The following TSHR variants were observed in gnomAD, a reference collection of about 807,000 sequenced individuals.
TSHR encodes thyroid stimulating hormone receptor.
TSHR carries 51 observed loss-of-function variants against 64.1 expected under a neutral mutation model. The observed-to-expected ratio is 0.80, with a 90% CI of 0.64 to 1.01. The LOEUF (loss-of-function observed/expected upper bound fraction) is 1.01, where lower values mean the gene tolerates loss of function less well. TSHR is among the 50% of genes least tolerant of loss of function. TSHR has a pLI of 0.00. For synonymous variants in TSHR, 361 were observed against 361.9 expected, an observed-to-expected ratio of 1.00 and a Z score of 0.03; for missense variants, 877 against 942.8, an observed-to-expected ratio of 0.93 and a Z score of 0.91.
intron 1 of TSHR, chr14:81,001,780 C>T (rs1000374574): frequency 1.2e-5 from 4 of 338,220 alleles, no homozygotes; most frequent in African/African-American, 4.3e-5. Flanking sequence ...TTTTCTGGGT[C>T]GAGTGAACAG....
intron 3 of TSHR, among the ~76,000 whole-genome samples, chr14:81,075,239 G>T (rs186097020): frequency 1.3e-5 from 2 of 152,260 alleles, no homozygotes; most frequent in East Asian, 1.9e-4. Flanking sequence ...CACCTTGTTT[G>T]CATCCCTCCC....
At chr14:81,133,166 A>T (rs1030660110) in intron 8 of TSHR, among the ~76,000 whole-genome samples, 10 of 152,224 alleles carry the variant, frequency 6.6e-5, no homozygotes, top group Non-Finnish European at 1.3e-4. Context: ...ATGAAGCATT[A>T]CACCTAAGAT....
chr14:81,143,617 G>C lies in TSHR; in HGVS notation c.1559G>C (p.Trp520Ser), dbSNP rs754517766. Residue 520 changes from tryptophan to serine, a missense_variant, in exon 10 of 10, where the codon TGG becomes TCG. Physicochemically the swap from Trp to Ser is radical, Grantham distance 177. Transcript: ENST00000298171. ...YTLTVITLER[W>S]YAITFAMRLD... ...CTGACGGTCATCACCCTGGAGCGCT[G>C]GTATGCCATCACCTTCGCCATGCGC... The C allele has an allele frequency of 1.6e-5, 26 of 1,613,794 alleles. No individual in the cohort carries two copies. Among genetic ancestry groups the C allele is most frequent in the Non-Finnish European group, 2.1e-5 (25 of 1,180,050 alleles).
intron 3 of TSHR, among the ~76,000 whole-genome samples, chr14:81,074,684 C>G (rs1179104395): frequency 6.6e-6 from 1 of 152,202 alleles, no homozygotes; most frequent in East Asian, 1.9e-4. Context: ...ATACACATTT[C>G]AAATGCCAAT....
At position 81,139,757 on chromosome 14, in the gene TSHR, C is replaced by T. The variant is rs2140102350; in HGVS notation, c.771C>T (p.Thr257=). Residue 257 remains threonine (T), a synonymous_variant, in exon 9 of 10, where the codon ACC becomes ACT. Transcript: ENST00000298171. The part of the protein sequence containing the change: ...EHLKELIARN[T]WTLKKLPLSL... ...TGAAGGAACTGATAGCAAGAAACAC[C>T]TGGACTCTTAAGAAACTTCCACTTT... is the stretch of plus-strand genomic sequence containing the variant. The T allele has an allele frequency of 6.2e-7, 1 of 1,614,196 alleles. No homozygotes were observed. The highest frequency in any genetic ancestry group is 8.5e-7 in the Non-Finnish European group (1 of 1,180,038).
intron 1 of TSHR, among the ~76,000 whole-genome samples, chr14:81,018,415 T>G (rs1201722462): frequency 6.6e-6 from 1 of 152,170 alleles, no homozygotes; most frequent in Non-Finnish European, 1.5e-5. Flanking sequence ...TCCCAAAGAT[T>G]GTAGAGCAAC....
rs373780642 is a variant in TSHR at position 81,007,561 on chromosome 14, A to G, written c.170+51711A>G. Among the ~76,000 whole-genome samples the G allele has an allele frequency of 2.6e-5, 4 of 152,332 alleles. No individual in the cohort carries two copies. The East Asian group carries it at 5.8e-4, about 22-fold the overall frequency. On this transcript the variant is annotated intron_variant, in intron 1 of 9. Transcript: ENST00000298171. ...TCACTTCGTATCAAGGGTTCATGCT[A>G]TCCACATGTCCTATCACTGATGTTG...
chr14:80,961,662 A>AC (rs111397749), intron 1 of TSHR, among the ~76,000 whole-genome samples: 44 of 151,640 alleles, frequency 2.9e-4, no homozygotes, highest in African/African-American at 9.2e-4. Flanking sequence ...ATGCACACAC[A>AC]AAAAAAACAG....
At chr14:81,032,520 G>T (rs1884401434) in intron 1 of TSHR, 2 of 391,662 alleles carry the variant, frequency 5.1e-6, no homozygotes, top group South Asian at 2.4e-5. Context: ...ACAAATTCAA[G>T]TTCTTACCAT....
At chr14:81,005,570 T>C (rs892982808) in intron 1 of TSHR, among the ~76,000 whole-genome samples, 1 of 152,192 alleles carries the variant, frequency 6.6e-6, no homozygotes, top group Non-Finnish European at 1.5e-5. Flanking sequence ...CAATCAATAT[T>C]GTTCACAGGG....
At chr14:81,066,409 T>G (rs1024549990) in intron 2 of TSHR, among the ~76,000 whole-genome samples, 1 of 152,186 alleles carries the variant, frequency 6.6e-6, no homozygotes, top group Admixed American at 6.6e-5. Flanking sequence ...GTTAGAAATA[T>G]ATTTGTATCA....
At chr14:81,052,300 A>C (rs1447108782) in intron 1 of TSHR, 3 of 152,132 alleles carry the variant, frequency 2.0e-5, no homozygotes, top group Non-Finnish European at 4.4e-5. Flanking sequence ...TATTGAAGAG[A>C]CTGTTCTTTC....
At chr14:81,049,000 C>T (rs1885305258) in intron 1 of TSHR, among the ~76,000 whole-genome samples, 1 of 152,134 alleles carries the variant, frequency 6.6e-6, no homozygotes, top group Non-Finnish European at 1.5e-5. Flanking sequence ...AGGAATTTAA[C>T]TCTTGTTTAT....
In TSHR at chr14:80,964,141, G is replaced by T. The variant is rs190357420; in HGVS notation, c.170+8291G>T. Among the ~76,000 whole-genome samples the T allele has an allele frequency of 2.8e-3, 433 of 152,256 alleles. 6 individuals carry two copies. Among genetic ancestry groups the T allele is most frequent in the African/African-American group, 0.01 (422 of 41,546 alleles). Reference sequence around the variant, plus strand: ...CAGCACTTTGAGAGGCGGAGCGGGGGCGGATCACGAGGTCAGGAGATCGAG... The same window carrying T: ...CAGCACTTTGAGAGGCGGAGCGGGGTCGGATCACGAGGTCAGGAGATCGAG... On this transcript the variant is annotated intron_variant, in intron 1 of 9. Coordinates refer to ENST00000298171, the MANE Select transcript of TSHR (RefSeq NM_000369.5).
At chr14:81,080,835 TA>T (rs1379929818) in intron 3 of TSHR, among the ~76,000 whole-genome samples, 3 of 152,196 alleles carry the variant, frequency 2.0e-5, no homozygotes, top group Admixed American at 6.5e-5. Flanking sequence ...AGGTCTAATC[TA>T]TACCAAGAGC....
In TSHR at chr14:81,103,759, T is replaced by A. The variant is rs1889727627; in HGVS notation, c.615-4616T>A. 2 of 985,380 alleles carry A rather than the reference T, an allele frequency of 2.0e-6. No individual in the cohort carries two copies. Among genetic ancestry groups the A allele is most frequent in the Admixed American group, 1.2e-4 (2 of 16,272 alleles). 61.0% of individuals were successfully genotyped at this position (985,380 alleles called of 1,614,324 possible). ...TTCATTGTTTGGAATTTCTTTTCCA[T>A]CCTCTTTCCACGCAATCTGCGTGGG... On this transcript the variant is annotated intron_variant, in intron 7 of 9. Coordinates refer to ENST00000298171, the MANE Select transcript of TSHR (RefSeq NM_000369.5). This position sits in a 1 kb window ranked among gnomAD's most constrained non-coding sequence, Gnocchi z 4.1.
At chr14:81,048,704 A>G (rs1264583300) in intron 1 of TSHR, among the ~76,000 whole-genome samples, 1 of 152,224 alleles carries the variant, frequency 6.6e-6, no homozygotes, top group African/African-American at 2.4e-5. Flanking sequence ...GCAGTATGAA[A>G]GCGCTTAGTG....
intron 3 of TSHR, among the ~76,000 whole-genome samples, chr14:81,073,575 A>T (rs1169776791): frequency 2.6e-5 from 4 of 152,198 alleles, no homozygotes; most frequent in African/African-American, 9.6e-5. Flanking sequence ...TTTCTAATTA[A>T]CCATAGGATT....
chr14:81,136,780 C>T (rs1891473254), intron 8 of TSHR, among the ~76,000 whole-genome samples: 1 of 152,180 alleles, frequency 6.6e-6, no homozygotes, highest in African/African-American at 2.4e-5. Context: ...AAGCACCCTC[C>T]CAGTTCAGCC....
Sources: allele counts gnomAD v4.1 joint callset (sites outside exome capture counted in the v4.1 genomes callset), GRCh38; gene constraint gnomAD v4.1.1; non-coding constraint Gnocchi (gnomAD v3.1); transcripts MANE v1.5; gene names NCBI Gene and HGNC (gene_info 2026-07-23, HGNC 2026-07-21).